HPX: variants seen among roughly 807,000 people sequenced by gnomAD.
The protein encoded by HPX is beta-1B-glycoprotein.
A neutral mutation model predicts 53.8 loss-of-function variants in HPX; 42 were observed. The ratio of observed to expected loss-of-function variants is 0.78; its 90% CI spans 0.61 to 1.01. The LOEUF (loss-of-function observed/expected upper bound fraction) is 1.01. Among genes scored for constraint, HPX ranks in the 50% least tolerant of loss-of-function variants. HPX has a pLI of 0.00. For missense variants in HPX, 547 were observed against 594.3 expected (o/e 0.92, Z 0.83); for synonymous variants, 229 against 221.1 (o/e 1.04, Z -0.32).
Position 6,440,876 on chromosome 11 carries a change from C to A in HPX, c.83+5G>T, listed in dbSNP as rs1256222484. 2 of 1,613,058 alleles carry A rather than the reference C, an allele frequency of 1.2e-6. No individual in the cohort carries two copies. The highest frequency in any genetic ancestry group is 2.2e-5 in the South Asian group (2 of 90,974). On this transcript the variant is annotated splice_donor_5th_base_variant and intron_variant, in intron 1 of 9. Transcript: ENST00000265983. Reference sequence around the variant, plus strand: ...TCCTTCGCTTCTAGTCCCAGCTTTACTCACGGAGGAAGAGGGGTGGCAATG... The same window carrying A: ...TCCTTCGCTTCTAGTCCCAGCTTTAATCACGGAGGAAGAGGGGTGGCAATG...
At chr11:6,438,062 G>C in intron 5 of HPX, 6 of 508,502 alleles carry the variant, frequency 1.2e-5, no homozygotes, top group Non-Finnish European at 2.1e-5. Context: ...GGCCAATAGG[G>C]ATTTGGCCAT....
intron 6 of HPX, 77 bp downstream of exon 6, chr11:6,437,363 G>C: frequency 7.0e-7 from 1 of 1,425,354 alleles, no homozygotes. Flanking sequence ...TAAAGTGAGA[G>C]CTAGGACACG....
At chr11:6,433,022 G>A (rs1849369164) in intron 7 of HPX, among the ~76,000 whole-genome samples, 1 of 152,114 alleles carries the variant, frequency 6.6e-6, no homozygotes, top group Admixed American at 6.6e-5. Flanking sequence ...AACCTAATAT[G>A]CCCAAACTGA....
chr11:6,437,801 A>C (rs1849436765), intron 5 of HPX, 149 bp from the exon 6 acceptor site: 2 of 647,430 alleles, frequency 3.1e-6, no homozygotes, highest in South Asian at 3.6e-5. Flanking sequence ...GTGATCATAC[A>C]CCAAAATTCA....
chr11:6,436,184 C>A (rs1393605030), intron 7 of HPX, among the ~76,000 whole-genome samples: 1 of 152,170 alleles, frequency 6.6e-6, no homozygotes, highest in African/African-American at 2.4e-5. Context: ...ATGTATTTTT[C>A]AACAGAACTT....
chr11:6,437,522 C>T lies in HPX; in HGVS notation c.621G>A (p.Leu207=). ...RYYCFQGNQF[L]RFDPVRGEVP... is the part of the protein sequence containing the mutation. The stretch of plus-strand genomic sequence containing the variant: ...CCTCTCCCCTGACAGGGTCGAAGCG[C>T]AGGAATTGGTTACCCTGGAAGCAGT... The change falls in exon 6 of 10, where the codon CTG becomes CTA. Residue 207 remains leucine, a synonymous_variant. Transcript: ENST00000265983. 1.2e-6 allele frequency: 2 copies of T among 1,614,194 alleles called. No homozygotes were observed. The highest frequency in any genetic ancestry group is 1.1e-5 in the South Asian group (1 of 91,084).
intron 4 of HPX, 79 bp downstream of exon 4, chr11:6,440,086 C>A: frequency 6.3e-7 from 1 of 1,589,366 alleles, no homozygotes; most frequent in African/African-American, 1.3e-5. Context: ...GGGCTCCATG[C>A]CAAGGCCATT....
chr11:6,438,659 T>C, intron 4 of HPX, 150 bp from the exon 5 acceptor site: 1 of 708,598 alleles, frequency 1.4e-6, no homozygotes, highest in Non-Finnish European at 2.4e-6. Flanking sequence ...TGTGCTGTCC[T>C]TTTGCACATT....
chr11:6,433,408 C>A (rs145825508), intron 7 of HPX, among the ~76,000 whole-genome samples: 154 of 152,340 alleles, frequency 1.0e-3, no homozygotes, highest in African/African-American at 3.5e-3. Flanking sequence ...AACTCCTGAC[C>A]TCAGGTGATC....
At position 6,431,076 on chromosome 11, in the gene HPX, T is replaced by C. The variant is rs1849340115; in HGVS notation, c.*135A>G. ...CAAGTGAAGAAGCAATCTGTCTTTA[T>C]TATGAGAAACTGGGGAGGTGGGGCC... On this transcript the variant is annotated 3_prime_UTR_variant, in exon 10 of 10. Coordinates refer to ENST00000265983, the MANE Select transcript of HPX (RefSeq NM_000613.3). 2.6e-6 allele frequency: 3 copies of C among 1,167,900 alleles called. No homozygotes were observed. Among genetic ancestry groups the C allele is most frequent in the Non-Finnish European group, 3.6e-6 (3 of 844,608 alleles). The allele number at this position is 1,167,900 out of a possible 1,614,324, so 72.3% of individuals were successfully genotyped here.
At chr11:6,437,881 T>C (rs959709233) in intron 5 of HPX, 3 of 587,388 alleles carry the variant, frequency 5.1e-6, no homozygotes, top group East Asian at 2.8e-5. Flanking sequence ...CCAGGGAAGA[T>C]GATACTTAAA....
chr11:6,437,664 C>T lies in HPX; in HGVS notation c.491-12G>A, dbSNP rs112920502. 6.2e-7 allele frequency: 1 copy of T among 1,611,398 alleles called. No homozygotes were observed. Among genetic ancestry groups the T allele is most frequent in the South Asian group, 1.1e-5 (1 of 91,028 alleles). On this transcript the variant is annotated splice_polypyrimidine_tract_variant and intron_variant, in intron 5 of 9. Coordinates refer to ENST00000265983, the MANE Select transcript of HPX (RefSeq NM_000613.3). ...CCACTCGCGGTCACCTTTGTCCAAT[C>T]AATCAACAGGCATTTGGTGAGACCG... is the stretch of plus-strand genomic sequence containing the variant.
chr11:6,438,907 C>T lies in HPX; in HGVS notation c.337-398G>A, dbSNP rs371715075. Among the ~76,000 whole-genome samples the T allele has an allele frequency of 2.0e-5, 3 of 152,186 alleles. No homozygotes were observed. The East Asian group carries it at 5.8e-4, about 29-fold the overall frequency. On this transcript the variant is annotated intron_variant, in intron 4 of 9. Transcript: ENST00000265983. Reference sequence around the variant, plus strand: ...CACTGAATAACTACTATATGCCAGGCATTGTGAGAGGCACTGAGGATAACA... The same window carrying T: ...CACTGAATAACTACTATATGCCAGGTATTGTGAGAGGCACTGAGGATAACA...
chr11:6,440,108 TC>T, intron 4 of HPX, 56 bp downstream of exon 4: 1 of 1,611,068 alleles, frequency 6.2e-7, no homozygotes, highest in Non-Finnish European at 8.5e-7. Flanking sequence ...GGGGGAAGGG[TC>T]CCCAGTGTCG....
chr11:6,440,715 C>A lies in HPX; in HGVS notation c.99G>T (p.Gly33=), dbSNP rs1237035724. Residue 33 remains glycine (G), a synonymous_variant, in exon 2 of 10, where the codon GGG becomes GGT. Coordinates refer to ENST00000265983, the MANE Select transcript of HPX (RefSeq NM_000613.3). ...ATPLPPTSAH[G]NVAEGETKPD... ...GCTTGGTCTCGCCTTCAGCAACATT[C>A]CCATGGGCACTAGTCCTAGGGAGAA... 6.2e-7 allele frequency: 1 copy of A among 1,613,748 alleles called. No homozygotes were observed.
chr11:6,437,466 T>A lies in HPX; in HGVS notation c.677A>T (p.Asp226Val). 1 of 1,613,880 alleles carries A rather than the reference T, an allele frequency of 6.2e-7. No homozygotes were observed. ...TCTGCCAGGGCAGGGCATGAAGTAGTCTCGGACATCCCGCGGGTACCTGGG... is the reference window on the plus strand; with the variant it reads ...TCTGCCAGGGCAGGGCATGAAGTAGACTCGGACATCCCGCGGGTACCTGGG... ...VPPRYPRDVR[D>V]YFMPCPGRGH... The change falls in exon 6 of 10, where the codon GAC (aspartate) becomes GTC (valine). Residue 226 changes from aspartate (D) to valine (V), a missense_variant. By Grantham distance (152) the Asp-to-Val change is radical. Coordinates refer to ENST00000265983, the MANE Select transcript of HPX (RefSeq NM_000613.3).
intron 4 of HPX, among the ~76,000 whole-genome samples, chr11:6,438,781 C>T (rs1470400337): frequency 3.3e-5 from 5 of 152,200 alleles, no homozygotes; most frequent in Non-Finnish European, 7.3e-5. Flanking sequence ...TCAGTGTTGA[C>T]AAACATATCC....
rs145145967 is a variant in HPX at position 6,437,621 on chromosome 11, C to G, written c.522G>C (p.Thr174=). 4.3e-6 allele frequency: 7 copies of G among 1,614,024 alleles called. No individual in the cohort carries two copies. The highest frequency in any genetic ancestry group is 1.7e-5 in the Admixed American group (1 of 60,002). The change falls in exon 6 of 10, where the codon ACG becomes ACC. Residue 174 remains threonine (T), a synonymous_variant. Transcript: ENST00000265983. ...GCCAGGAACGCTCCTTCATGGTTCCCGTAGCCAAGTCCCAGAACCACTCGC... is the reference window on the plus strand; with the variant it reads ...GCCAGGAACGCTCCTTCATGGTTCCGGTAGCCAAGTCCCAGAACCACTCGC... ...GDREWFWDLA[T]GTMKERSWPA...
Position 6,431,768 on chromosome 11 carries a change from G to A in HPX, c.1002C>T (p.Gly334=), listed in dbSNP as rs371127766. 1.5e-5 allele frequency: 25 copies of A among 1,614,090 alleles called. No homozygotes were observed. The African/African-American group carries it at 2.1e-4, about 14-fold the overall frequency. The change falls in exon 9 of 10, where the codon GGC becomes GGT. Residue 334 remains glycine, a synonymous_variant. Transcript: ENST00000265983. ...TQVYVFLTKG[G]YTLVSGYPKR... ...TCGGATAACCGCTTACTAGGGTATA[G>A]CCTCCCTTTGTCAGGAAGACATATA... is the stretch of plus-strand genomic sequence containing the variant.
Sources: gnomAD v4.1 joint callset for allele counts (sites outside exome capture counted in the v4.1 genomes callset) on GRCh38, gnomAD v4.1.1 for gene constraint, MANE v1.5 for transcripts, NCBI Gene and HGNC (gene_info 2026-07-23, HGNC 2026-07-21) for gene names.